EIF2AK2: variants seen among roughly 807,000 people sequenced by gnomAD.
The protein encoded by EIF2AK2 is interferon-induced, double-stranded RNA-activated protein kinase.
A neutral mutation model predicts 70.5 loss-of-function variants in EIF2AK2; 40 were observed. The observed-to-expected ratio is 0.57, with a 90% CI of 0.44 to 0.74. EIF2AK2 has a LOEUF of 0.74. EIF2AK2 is among the 30% of genes least tolerant of loss of function. The probability of loss-of-function intolerance (pLI) is 0.00; values close to 1 mark genes in which losing one functional copy is unlikely to be tolerated. For synonymous variants in EIF2AK2, 198 were observed against 220.9 expected (o/e 0.90, Z 0.92); for missense variants, 555 against 644.3 (o/e 0.86, Z 1.50).
At chr2:37,132,217 A>G (rs755983066) in intron 10 of EIF2AK2, among the ~76,000 whole-genome samples, 1 of 152,152 alleles carries the variant, frequency 6.6e-6, no homozygotes, top group Non-Finnish European at 1.5e-5. Flanking sequence ...CAAACACCAA[A>G]TACAACAACT....
intron 1 of EIF2AK2, 80 bp from the exon 2 acceptor site, chr2:37,149,103 G>A (rs1241678662): frequency 1.6e-5 from 14 of 889,662 alleles, no homozygotes; most frequent in Non-Finnish European, 2.7e-5. Flanking sequence ...GAAGACTAAG[G>A]TCTATGATAG....
chr2:37,127,453 G>A (rs1241610631), intron 10 of EIF2AK2, among the ~76,000 whole-genome samples: 2 of 152,174 alleles, frequency 1.3e-5, no homozygotes, highest in East Asian at 3.8e-4. Context: ...GGTGCCAAAT[G>A]AGGAGGCCCC....
In EIF2AK2 at chr2:37,101,422, C is replaced by T. The variant is rs1225688511; in HGVS notation, c.*5851G>A. ...AACAATTATCAATAGCTGCTAAAAC[C>T]ATCAGGTGAAAGATTGATGAGAAAC... On this transcript the variant is annotated 3_prime_UTR_variant, in exon 17 of 17. Coordinates refer to ENST00000233057, the MANE Select transcript of EIF2AK2 (RefSeq NM_001135651.3). The T allele has an allele frequency of 6.6e-6, 1 of 152,148 alleles. No individual in the cohort carries two copies. The highest frequency in any genetic ancestry group is 6.6e-5 in the Admixed American group (1 of 15,264). 9.4% of individuals were successfully genotyped at this position (152,148 alleles called of 1,614,324 possible).
chr2:37,148,503 A>T, intron 2 of EIF2AK2: 1 of 607,770 alleles, frequency 1.6e-6, no homozygotes, highest in Non-Finnish European at 3.1e-6. Context: ...GACAAAATAA[A>T]ACAAGGAAAA....
chr2:37,110,428 C>T (rs981833723), intron 14 of EIF2AK2, among the ~76,000 whole-genome samples: 31 of 151,940 alleles, frequency 2.0e-4, no homozygotes, highest in African/African-American at 6.8e-4. Context: ...AAAAAAACCA[C>T]ACACACATAA....
chr2:37,115,099 G>A (rs571728809), intron 13 of EIF2AK2: 20 of 184,540 alleles, frequency 1.1e-4, no homozygotes, highest in Middle Eastern at 2.4e-3. Context: ...CCAAGCTGGA[G>A]TGCAGTGGTG....
In EIF2AK2 at chr2:37,107,092, G is replaced by T; in HGVS notation, c.*181C>A. On this transcript the variant is annotated 3_prime_UTR_variant, in exon 17 of 17. Transcript: ENST00000233057. The stretch of plus-strand genomic sequence containing the variant: ...TGAGCCAGGAAAAAGTAAAATGTAA[G>T]AATGTTTTTGAAGCAAAAAGAAGAA... 2 of 735,430 alleles carry T rather than the reference G, an allele frequency of 2.7e-6. No individual in the cohort carries two copies. Among genetic ancestry groups the T allele is most frequent in the Non-Finnish European group, 3.9e-6 (2 of 509,230 alleles). The allele number at this position is 735,430 out of a possible 1,614,324, so 45.6% of individuals were successfully genotyped here. A position where few individuals can be genotyped will look rare whatever the true frequency, so the allele number is the denominator to read the frequency against.
chr2:37,138,522 C>T lies in EIF2AK2; in HGVS notation c.580G>A (p.Val194Met). The change falls in exon 7 of 17, where the codon GTG (valine) becomes ATG (methionine). Residue 194 changes from valine to methionine, a missense_variant. Coordinates refer to ENST00000233057, the MANE Select transcript of EIF2AK2 (RefSeq NM_001135651.3). ...GTCTACACTTACAGTGTGCTGGTCACTAAAGAGTTGCTTTGGGACTCACAC... is the reference window on the plus strand; with the variant it reads ...GTCTACACTTACAGTGTGCTGGTCATTAAAGAGTTGCTTTGGGACTCACAC... ...TTCESQSNSL[V>M]TSTLASESSS... 1 of 1,614,104 alleles carries T rather than the reference C, an allele frequency of 6.2e-7. No homozygotes were observed. Among genetic ancestry groups the T allele is most frequent in the Non-Finnish European group, 8.5e-7 (1 of 1,179,990 alleles).
chr2:37,147,540 C>A, intron 3 of EIF2AK2, 148 bp downstream of exon 3: 1 of 348,852 alleles, frequency 2.9e-6, no homozygotes, highest in Non-Finnish European at 5.6e-6. Context: ...TCAGTTCTCA[C>A]CTATGAGTGA....
intron 1 of EIF2AK2, among the ~76,000 whole-genome samples, chr2:37,152,857 T>A (rs1441704391): frequency 6.6e-6 from 1 of 152,242 alleles, no homozygotes; most frequent in Non-Finnish European, 1.5e-5. Flanking sequence ...TCTCCCAAGC[T>A]GGTTTGAAGT....
chr2:37,132,881 G>T lies in EIF2AK2; in HGVS notation c.785+2603C>A, dbSNP rs142328568. ...CAGTAAAAAAGGTTCGATTTCTTTT[G>T]GTTCTGGTTGATACCTTTTCGGCAT... On this transcript the variant is annotated intron_variant, in intron 10 of 16. Coordinates refer to ENST00000233057, the MANE Select transcript of EIF2AK2 (RefSeq NM_001135651.3). 1.3e-4 allele frequency among the ~76,000 whole-genome samples: 20 copies of T among 152,236 alleles called. No homozygotes were observed. In the East Asian group the frequency reaches 3.5e-3, roughly 26 times the overall value.
intron 8 of EIF2AK2, among the ~76,000 whole-genome samples, chr2:37,137,935 A>AC (rs1675185091): frequency 6.6e-6 from 1 of 151,964 alleles, no homozygotes; most frequent in Non-Finnish European, 1.5e-5. Flanking sequence ...ACATGGTGAA[A>AC]CCCCGTCTCT....
At position 37,135,562 on chromosome 2, in the gene EIF2AK2, TGAATGTAAAA is replaced by T. The variant is rs776399241; in HGVS notation, c.723-26_723-17del. 2 of 1,596,448 alleles carry T rather than the reference TGAATGTAAAA, an allele frequency of 1.3e-6. No individual in the cohort carries two copies. The highest frequency in any genetic ancestry group is 2.7e-5 in the African/African-American group (2 of 74,114). On this transcript the variant is annotated splice_polypyrimidine_tract_variant and intron_variant, in intron 9 of 16. Transcript: ENST00000233057. ...TGCCAAAGATCTAAAAATTAAGAGT[TGAATGTAAAA>T]CTCAAATAAAATTGAAATCAAATAT...
Position 37,115,398 on chromosome 2 carries a change from T to C in EIF2AK2, c.1249-539A>G, listed in dbSNP as rs147000798. Among the ~76,000 whole-genome samples, 45 of 151,940 alleles carry C rather than the reference T, an allele frequency of 3.0e-4. No homozygotes were observed. The East Asian group carries it at 8.7e-3, about 29-fold the overall frequency. On this transcript the variant is annotated intron_variant, in intron 13 of 16. Transcript: ENST00000233057. Reference sequence around the variant, plus strand: ...TTTCTTAGCTGACACCAGAGGTGGCTCTGGGCACAGCTGCCCTCGAATATC... The same window carrying C: ...TTTCTTAGCTGACACCAGAGGTGGCCCTGGGCACAGCTGCCCTCGAATATC...
intron 10 of EIF2AK2, among the ~76,000 whole-genome samples, chr2:37,130,750 G>A (rs189329030): frequency 2.6e-5 from 4 of 152,222 alleles, no homozygotes; most frequent in East Asian, 1.9e-4. Flanking sequence ...TCACTATTTC[G>A]GTCAGGCACT....
At chr2:37,139,563 G>C (rs1472735459) in intron 6 of EIF2AK2, 68 bp downstream of exon 6, 1 of 1,575,148 alleles carries the variant, frequency 6.3e-7, no homozygotes, top group African/African-American at 1.4e-5. Flanking sequence ...TGTTAACACA[G>C]TCTAACCTCA....
At chr2:37,156,753 C>G (rs750295423) in intron 1 of EIF2AK2, among the ~76,000 whole-genome samples, 155 bp downstream of exon 1, 128 of 152,284 alleles carry the variant, frequency 8.4e-4, no homozygotes, top group Non-Finnish European at 1.0e-3. Flanking sequence ...CCAGTGCTGA[C>G]CCAGCCGGGG....
chr2:37,138,166 A>T (rs1220284428), intron 8 of EIF2AK2, 104 bp downstream of exon 8: 1 of 891,990 alleles, frequency 1.1e-6, no homozygotes, highest in East Asian at 2.7e-5. Context: ...AGTGCATAAG[A>T]TAAAAAATAT....
intron 11 of EIF2AK2, among the ~76,000 whole-genome samples, chr2:37,124,991 A>C (rs1674681846): frequency 6.6e-6 from 1 of 151,530 alleles, no homozygotes; most frequent in South Asian, 2.1e-4. Context: ...GCCTCCCTAA[A>C]TAGTATTCTT....
Sources: allele counts gnomAD v4.1 joint callset (sites outside exome capture counted in the v4.1 genomes callset), GRCh38; gene constraint gnomAD v4.1.1; transcripts MANE v1.5; gene names NCBI Gene and HGNC (gene_info 2026-07-23, HGNC 2026-07-21).